The following RGS6 variants were observed in gnomAD, a reference collection of about 807,000 sequenced individuals.
The protein encoded by RGS6 is regulator of G-protein signaling 6.
RGS6 carries 30 observed loss-of-function variants against 78.5 expected under a neutral mutation model. The observed-to-expected ratio is 0.38, with a 90% CI of 0.29 to 0.52. The LOEUF (loss-of-function observed/expected upper bound fraction) is 0.52. RGS6 is among the 20% of genes least tolerant of loss of function. The pLI, the probability that RGS6 is intolerant of heterozygous loss-of-function variation, is 0.85. For synonymous variants in RGS6, 206 were observed against 206.0 expected (o/e 1.00, Z 0.00); for missense variants, 495 against 609.7 (o/e 0.81, Z 1.98).
intron 2 of RGS6, among the ~76,000 whole-genome samples, chr14:72,306,663 G>A (rs2067313464): frequency 6.6e-6 from 1 of 152,170 alleles, no homozygotes; most frequent in African/African-American, 2.4e-5. Flanking sequence ...CAAATGAGGT[G>A]GAAATAGCAA....
At chr14:72,212,095 T>C (rs1441730479) in intron 2 of RGS6, among the ~76,000 whole-genome samples, 1 of 152,136 alleles carries the variant, frequency 6.6e-6, no homozygotes, top group East Asian at 1.9e-4. Context: ...GAGCCACAGA[T>C]GTTGGTGTGC....
chr14:72,055,353 T>G (rs986452702), intron 2 of RGS6, among the ~76,000 whole-genome samples: 3 of 152,206 alleles, frequency 2.0e-5, no homozygotes, highest in African/African-American at 7.2e-5. Context: ...TCTACTGATA[T>G]ACTTCTTAAG....
At chr14:72,049,554 T>C (rs2093094363) in intron 2 of RGS6, among the ~76,000 whole-genome samples, 1 of 152,312 alleles carries the variant, frequency 6.6e-6, no homozygotes, top group African/African-American at 2.4e-5. Context: ...AGAAAGAACG[T>C]GGGTGAGTCA....
At chr14:72,139,590 A>G (rs569634765) in intron 2 of RGS6, among the ~76,000 whole-genome samples, 1 of 152,348 alleles carries the variant, frequency 6.6e-6, no homozygotes, top group East Asian at 1.9e-4. Flanking sequence ...TACTGTTTGC[A>G]CTGAGCATTA....
chr14:71,984,320 A>AAC (rs58888779), intron 2 of RGS6, among the ~76,000 whole-genome samples: 17,846 of 102,892 alleles, frequency 0.17, 1,152 homozygotes, highest in Middle Eastern at 0.23. Flanking sequence ...AAAAAAAAAA[A>AAC]AACAAAGCTG....
intron 12 of RGS6, among the ~76,000 whole-genome samples, chr14:72,489,161 C>CCA (rs1555431755): frequency 2.0e-5 from 3 of 149,902 alleles, no homozygotes; most frequent in Non-Finnish European, 4.4e-5. Flanking sequence ...AGGGGGCCCC[C>CCA]CCACCGGCTG....
chr14:71,935,845 A>G (rs890204563), intron 1 of RGS6, among the ~76,000 whole-genome samples: 1 of 151,708 alleles, frequency 6.6e-6, no homozygotes, highest in Non-Finnish European at 1.5e-5. Flanking sequence ...ATTCAAACAC[A>G]GAAACACCTG....
At chr14:72,514,479 C>T (rs531141624) in intron 14 of RGS6, among the ~76,000 whole-genome samples, 2 of 152,336 alleles carry the variant, frequency 1.3e-5, no homozygotes, top group East Asian at 3.9e-4. Context: ...AAAGGAGGCT[C>T]CCACTGGGGC....
intron 3 of RGS6, among the ~76,000 whole-genome samples, chr14:72,365,096 CA>C (rs1240075999): frequency 6.6e-6 from 1 of 152,158 alleles, no homozygotes; most frequent in Non-Finnish European, 1.5e-5. Flanking sequence ...AATAAATCAA[CA>C]AACACATAGC....
At chr14:71,923,409 A>C in the RGS6 span, among the ~76,000 whole-genome samples, 2 of 152,256 alleles carry the variant, frequency 1.3e-5, no homozygotes, top group African/African-American at 4.8e-5. Context: ...TATCAAAAGA[A>C]GCCTGGCATG....
intron 8 of RGS6, among the ~76,000 whole-genome samples, chr14:72,472,373 C>G (rs1268179406): frequency 6.6e-6 from 1 of 152,088 alleles, no homozygotes; most frequent in Non-Finnish European, 1.5e-5. Context: ...GTGTAAGTGA[C>G]TTATAAAACA....
intron 2 of RGS6, among the ~76,000 whole-genome samples, chr14:72,216,697 C>A (rs1051008992): frequency 6.6e-6 from 1 of 152,064 alleles, no homozygotes; most frequent in Admixed American, 6.6e-5. Context: ...AATAATGAAC[C>A]TGTAGAAATA....
At chr14:72,042,847 G>T (rs927724815) in intron 2 of RGS6, among the ~76,000 whole-genome samples, 2 of 152,138 alleles carry the variant, frequency 1.3e-5, no homozygotes, top group Non-Finnish European at 2.9e-5. Context: ...TCTTCAAGTA[G>T]ATTGCTGGAG....
chr14:72,346,767 T>A (rs184458336), intron 2 of RGS6, among the ~76,000 whole-genome samples: 2 of 152,368 alleles, frequency 1.3e-5, no homozygotes, highest in East Asian at 3.8e-4. Context: ...GCCAGTCTCC[T>A]GGGTTCTCCC....
chr14:72,069,961 C>T (rs1368409976), intron 2 of RGS6, among the ~76,000 whole-genome samples: 1 of 152,212 alleles, frequency 6.6e-6, no homozygotes, highest in African/African-American at 2.4e-5. Context: ...TCACCTTCTT[C>T]AACTTGGATT....
intron 12 of RGS6, among the ~76,000 whole-genome samples, chr14:72,487,863 T>TA (rs58720910): frequency 0.15 from 22,047 of 151,980 alleles, 1,657 homozygotes; most frequent in Admixed American, 0.19. Context: ...GAAACAAATA[T>TA]AAAACCCCAG....
chr14:72,195,275 C>A (rs891478039), intron 2 of RGS6, among the ~76,000 whole-genome samples: 3 of 151,536 alleles, frequency 2.0e-5, no homozygotes, highest in African/African-American at 7.3e-5. Flanking sequence ...GTGGGGTAAA[C>A]AAGCTGTTGT....
In RGS6 at chr14:72,306,020, T is replaced by C. The variant is rs551367458; in HGVS notation, c.85-46075T>C. Reference sequence around the variant, plus strand: ...CTGATATGGAGAAAATTTTAAAAGGTCAATGCCTGGCTTCAAAAGACAGGC... The same window carrying C: ...CTGATATGGAGAAAATTTTAAAAGGCCAATGCCTGGCTTCAAAAGACAGGC... On this transcript the variant is annotated intron_variant, in intron 2 of 17. Transcript: ENST00000553525. Among the ~76,000 whole-genome samples the C allele has an allele frequency of 3.9e-4, 60 of 152,258 alleles. 1 individual carries two copies. Among genetic ancestry groups the C allele is most frequent in the Admixed American group, 8.5e-4 (13 of 15,288 alleles).
At chr14:72,318,552 A>G (rs534932968) in intron 2 of RGS6, among the ~76,000 whole-genome samples, 2 of 152,204 alleles carry the variant, frequency 1.3e-5, no homozygotes, top group African/African-American at 2.4e-5. Flanking sequence ...GGGAGATTCT[A>G]TATCCATGAA....
Sources: gnomAD v4.1 joint callset for allele counts (sites outside exome capture counted in the v4.1 genomes callset) on GRCh38, gnomAD v4.1.1 for gene constraint, MANE v1.5 for transcripts, NCBI Gene and HGNC (gene_info 2026-07-23, HGNC 2026-07-21) for gene names.